SLC35F1: variants seen among roughly 807,000 people sequenced by gnomAD.
The protein encoded by SLC35F1 is solute carrier family 35 member F1.
Under a neutral mutation model 48.7 loss-of-function variants are expected in SLC35F1, and 14 were observed. The ratio of observed to expected loss-of-function variants is 0.29; its 90% CI spans 0.19 to 0.45. The LOEUF (loss-of-function observed/expected upper bound fraction) is 0.45, where lower values mean the gene tolerates loss of function less well. Among genes scored for constraint, SLC35F1 ranks in the 20% least tolerant of loss-of-function variants. SLC35F1 has a pLI of 1.00. For missense variants in SLC35F1, 404 were observed against 500.0 expected (o/e 0.81, Z 1.83); for synonymous variants, 190 against 202.2 (o/e 0.94, Z 0.51).
chr6:118,239,964 G>C (rs1280966131), intron 3 of SLC35F1, among the ~76,000 whole-genome samples: 1 of 152,142 alleles, frequency 6.6e-6, no homozygotes, highest in Non-Finnish European at 1.5e-5. Flanking sequence ...TAGTAATTTA[G>C]TTCTGTTTAC....
intron 1 of SLC35F1, among the ~76,000 whole-genome samples, chr6:117,925,519 A>C (rs1776016814): frequency 6.6e-6 from 1 of 152,092 alleles, no homozygotes; most frequent in African/African-American, 2.4e-5. Context: ...CTATCACTGG[A>C]TTGTCATTAT....
chr6:117,919,248 T>C lies in SLC35F1; in HGVS notation c.173+11349T>C, dbSNP rs537370153. On this transcript the variant is annotated intron_variant, in intron 1 of 7. Transcript: ENST00000360388. ...AGGTTTTATGTCTGGTCCACTGGAG[T>C]GATGGTGTCCCCTTTAGCCTGTGTC... Among the ~76,000 whole-genome samples, 3 of 152,184 alleles carry C rather than the reference T, an allele frequency of 2.0e-5. No individual in the cohort carries two copies. In the East Asian group the frequency reaches 5.8e-4, roughly 29 times the overall value.
intron 1 of SLC35F1, among the ~76,000 whole-genome samples, chr6:118,042,088 T>G (rs1326942277): frequency 6.6e-6 from 1 of 152,170 alleles, no homozygotes; most frequent in Admixed American, 6.6e-5. Flanking sequence ...ATATCATCCA[T>G]AAAGTCTTTC....
intron 2 of SLC35F1, among the ~76,000 whole-genome samples, chr6:118,161,585 T>A (rs1314980694): frequency 6.6e-6 from 1 of 152,212 alleles, no homozygotes; most frequent in Non-Finnish European, 1.5e-5. Flanking sequence ...GTCTCCCTTG[T>A]GGGAAATTAC....
chr6:118,123,229 G>A lies in SLC35F1; in HGVS notation c.174-31216G>A, dbSNP rs1250074788. On this transcript the variant is annotated intron_variant, in intron 1 of 7. Coordinates refer to ENST00000360388, the MANE Select transcript of SLC35F1 (RefSeq NM_001029858.4). ...CTATGTCTCCAGGTTCAATTAAAAT[G>A]GAAGGTGAAGGCAGTCACCCAGAAG... 2.6e-5 allele frequency among the ~76,000 whole-genome samples: 4 copies of A among 152,246 alleles called. No individual in the cohort carries two copies. The East Asian group carries it at 5.8e-4, about 22-fold the overall frequency.
At chr6:118,226,701 G>A (rs1040408228) in intron 2 of SLC35F1, among the ~76,000 whole-genome samples, 3 of 152,160 alleles carry the variant, frequency 2.0e-5, no homozygotes, top group South Asian at 2.1e-4. Context: ...ACCAGACGCT[G>A]GGAAGAGTAG....
intron 1 of SLC35F1, among the ~76,000 whole-genome samples, chr6:117,943,458 T>A (rs1206250859): frequency 1.3e-5 from 2 of 152,196 alleles, no homozygotes; most frequent in Non-Finnish European, 2.9e-5. Flanking sequence ...ACAAATTTAA[T>A]GTCAGGAGAA....
chr6:117,940,869 A>C (rs1776222888), intron 1 of SLC35F1, among the ~76,000 whole-genome samples: 1 of 152,150 alleles, frequency 6.6e-6, no homozygotes, highest in Non-Finnish European at 1.5e-5. Flanking sequence ...GGCTAGCCTC[A>C]AACTCCTGGA....
intron 2 of SLC35F1, among the ~76,000 whole-genome samples, chr6:118,210,191 T>G (rs569769970): frequency 2.6e-5 from 4 of 152,220 alleles, no homozygotes; most frequent in Non-Finnish European, 5.9e-5. Flanking sequence ...TTTCTGCCTC[T>G]CTGAGTGAGT....
chr6:117,934,552 CAAT>C (rs974889014), intron 1 of SLC35F1, among the ~76,000 whole-genome samples: 1 of 152,026 alleles, frequency 6.6e-6, no homozygotes, highest in African/African-American at 2.4e-5. Context: ...ATTCTGGTCT[CAAT>C]AAAAACAAAG....
intron 2 of SLC35F1, among the ~76,000 whole-genome samples, chr6:118,184,769 A>G (rs1774633729): frequency 6.6e-6 from 1 of 152,186 alleles, no homozygotes. Context: ...ACATCAGTGT[A>G]TTTTCTGTGA....
intron 7 of SLC35F1, among the ~76,000 whole-genome samples, chr6:118,290,250 G>T: frequency 6.7e-6 from 1 of 149,944 alleles, no homozygotes; most frequent in Admixed American, 6.7e-5. Flanking sequence ...ATACAAAATT[G>T]ACTTTTTAAT....
intron 2 of SLC35F1, among the ~76,000 whole-genome samples, chr6:118,175,400 A>G (rs2114501821): frequency 6.6e-6 from 1 of 152,286 alleles, no homozygotes; most frequent in East Asian, 1.9e-4. Context: ...AATCCTTTGA[A>G]TATGCAAATT....
chr6:118,112,082 CTTTCT>C (rs202065600), intron 1 of SLC35F1, among the ~76,000 whole-genome samples: 23,159 of 130,616 alleles, frequency 0.18, 2,553 homozygotes, highest in Middle Eastern at 0.27. Flanking sequence ...TTCTTTATTT[CTTTCT>C]TTTCTTTTCT....
At chr6:117,999,421 C>G (rs1582609548) in intron 1 of SLC35F1, 6 of 1,588,774 alleles carry the variant, frequency 3.8e-6, no homozygotes, top group Non-Finnish European at 5.1e-6. Context: ...CCAAAGGTAC[C>G]CAGGCCCCTA....
rs1775709753 is a variant in SLC35F1, at chr6:117,907,790, G to C, written c.64G>C (p.Val22Leu). ...QPPSPAPPNH[V>L]VTTIENLPAE... ...GCCGTCGCCAGCCCCGCCGAACCAT[G>C]TGGTGACCACCATCGAGAACCTGCC... Residue 22 changes from valine (V) to leucine (L), a missense_variant, in exon 1 of 8, where the codon GTG becomes CTG. Physicochemically the swap from Val to Leu is conservative, Grantham distance 32. Around this residue, in one of 2 missense-constraint regions of SLC35F1, gnomAD observed 98 missense variants for 81.0 expected, o/e 1.21. Coordinates refer to ENST00000360388, the MANE Select transcript of SLC35F1 (RefSeq NM_001029858.4). 3 of 1,560,408 alleles carry C rather than the reference G, an allele frequency of 1.9e-6. No individual in the cohort carries two copies. Among genetic ancestry groups the C allele is most frequent in the Non-Finnish European group, 1.7e-6 (2 of 1,162,338 alleles).
At chr6:118,110,551 G>A (rs1773384417) in intron 1 of SLC35F1, among the ~76,000 whole-genome samples, 1 of 152,112 alleles carries the variant, frequency 6.6e-6, no homozygotes, top group Non-Finnish European at 1.5e-5. Flanking sequence ...TCAGACAAAA[G>A]AAAGTGAGAT....
chr6:118,124,547 C>A (rs1050222236), intron 1 of SLC35F1, among the ~76,000 whole-genome samples: 1 of 152,008 alleles, frequency 6.6e-6, no homozygotes, highest in African/African-American at 2.4e-5. Context: ...AGAAGAGGAC[C>A]CAAGATCTCT....
intron 1 of SLC35F1, among the ~76,000 whole-genome samples, chr6:117,998,181 C>T (rs1199112891): frequency 6.7e-6 from 1 of 148,376 alleles, no homozygotes; most frequent in Non-Finnish European, 1.5e-5. Context: ...ACAAAGAAGG[C>T]CATTACATAA....
Sources: allele counts gnomAD v4.1 joint callset (sites outside exome capture counted in the v4.1 genomes callset), GRCh38; gene constraint gnomAD v4.1.1; regional missense constraint gnomAD v4.1.1; transcripts MANE v1.5; gene names NCBI Gene and HGNC (gene_info 2026-07-23, HGNC 2026-07-21).